The following ARHGAP8 variants were observed in gnomAD, a reference collection of about 807,000 sequenced individuals.
ARHGAP8 encodes rho GTPase-activating protein 8.
A neutral mutation model predicts 46.1 loss-of-function variants in ARHGAP8; 62 were observed. The ratio of observed to expected loss-of-function variants is 1.34; its 90% CI spans 1.10 to 1.66. ARHGAP8 has a LOEUF of 1.66. ARHGAP8 is among the 40% of genes most tolerant of loss of function. The probability of loss-of-function intolerance (pLI) is 0.00; values close to 1 mark genes in which losing one functional copy is unlikely to be tolerated. For missense variants in ARHGAP8, 923 were observed against 568.4 expected (o/e 1.62, Z -6.34); for synonymous variants, 375 against 243.1 (o/e 1.54, Z -5.05).
At chr22:44,757,097 G>T (rs1924743707) in intron 1 of ARHGAP8, among the ~76,000 whole-genome samples, 1 of 151,796 alleles carries the variant, frequency 6.6e-6, no homozygotes, top group South Asian at 2.1e-4. Context: ...TTAAATTTTT[G>T]TAGAGACGAG....
chr22:44,767,014 T>C (rs1333247716), intron 1 of ARHGAP8, among the ~76,000 whole-genome samples: 3 of 152,184 alleles, frequency 2.0e-5, no homozygotes, highest in Non-Finnish European at 2.9e-5. Flanking sequence ...TGGGCTTACC[T>C]GTGTCAAGGT....
At chr22:44,774,861 C>T (rs913620264) in intron 1 of ARHGAP8, among the ~76,000 whole-genome samples, 10 of 151,624 alleles carry the variant, frequency 6.6e-5, no homozygotes, top group Non-Finnish European at 1.3e-4. Context: ...GATGGAGTCT[C>T]ACTCTGTCAC....
At chr22:44,854,182 G>A (rs2070165523) in intron 10 of ARHGAP8, among the ~76,000 whole-genome samples, 1 of 150,836 alleles carries the variant, frequency 6.6e-6, no homozygotes, top group African/African-American at 2.4e-5. Flanking sequence ...TCACTGTAAC[G>A]TCATACATAA....
chr22:44,753,833 G>A (rs1011492025), intron 1 of ARHGAP8, among the ~76,000 whole-genome samples: 5 of 151,306 alleles, frequency 3.3e-5, no homozygotes, highest in Non-Finnish European at 4.4e-5. Flanking sequence ...GCTCTGTGCC[G>A]TCCCTCGCTT....
intron 7 of ARHGAP8, among the ~76,000 whole-genome samples, chr22:44,826,755 A>G (rs1930550532): frequency 2.6e-5 from 4 of 152,066 alleles, no homozygotes; most frequent in Admixed American, 2.6e-4. Context: ...ACATTTTGAA[A>G]GGTTTTGAGA....
At chr22:44,851,774 G>C (rs887881774) in intron 10 of ARHGAP8, among the ~76,000 whole-genome samples, 2 of 152,080 alleles carry the variant, frequency 1.3e-5, no homozygotes, top group African/African-American at 4.8e-5. Context: ...GGGAGTTGGA[G>C]GCTACAGTGA....
chr22:44,816,857 T>C (rs1387732099), intron 5 of ARHGAP8, among the ~76,000 whole-genome samples: 2 of 149,298 alleles, frequency 1.3e-5, no homozygotes, highest in Non-Finnish European at 3.0e-5. Flanking sequence ...GGAGCCTTTC[T>C]TTTCTTTCTT....
intron 1 of ARHGAP8, among the ~76,000 whole-genome samples, chr22:44,773,941 C>A (rs1353222864): frequency 6.6e-6 from 1 of 152,222 alleles, no homozygotes. Flanking sequence ...TGAACATTTA[C>A]TGCATACCAG....
intron 5 of ARHGAP8, among the ~76,000 whole-genome samples, 192 bp from the exon 6 acceptor site, chr22:44,822,179 G>A (rs1045154642): frequency 2.0e-5 from 3 of 152,164 alleles, no homozygotes; most frequent in African/African-American, 4.8e-5. Flanking sequence ...TGGAGATCTC[G>A]TGAAAGCAAA....
In ARHGAP8 at chr22:44,802,120, C is replaced by T. The variant is rs199964194; in HGVS notation, c.123C>T (p.Cys41=). 35 of 1,614,170 alleles carry T rather than the reference C, an allele frequency of 2.2e-5. No individual in the cohort carries two copies. In the Middle Eastern group the frequency reaches 5.0e-4, roughly 23 times the overall value. The change falls in exon 3 of 12, where the codon TGC becomes TGT. Residue 41 remains cysteine (C), a synonymous_variant. Coordinates refer to ENST00000356099, the MANE Select transcript of ARHGAP8 (RefSeq NM_181335.3). ...GACGTGTTGTCACGTTCAGCTGCTG[C>T]CGGATGCCACCCTCCCACGAGCTGG... The part of the protein sequence containing the change: ...FGRRVVTFSC[C]RMPPSHELDH...
chr22:44,755,404 G>A (rs1038190212), intron 1 of ARHGAP8, among the ~76,000 whole-genome samples: 10 of 152,208 alleles, frequency 6.6e-5, no homozygotes, highest in African/African-American at 1.9e-4. Flanking sequence ...GAAAATAGAC[G>A]TTTTCCATTT....
intron 4 of ARHGAP8, chr22:44,808,849 G>A (rs1279441847): frequency 2.7e-5 from 10 of 365,140 alleles, no homozygotes; most frequent in African/African-American, 1.1e-4. Context: ...AGACAGTCTC[G>A]CCCTGTTGCC....
intron 7 of ARHGAP8, among the ~76,000 whole-genome samples, chr22:44,834,406 G>T (rs1457874954): frequency 6.6e-6 from 1 of 151,858 alleles, no homozygotes; most frequent in Admixed American, 6.6e-5. Context: ...CTAGGAGTCT[G>T]TTGTTAAATT....
chr22:44,759,628 C>T (rs918019126), intron 1 of ARHGAP8, among the ~76,000 whole-genome samples: 3 of 150,320 alleles, frequency 2.0e-5, no homozygotes, highest in Non-Finnish European at 3.0e-5. Flanking sequence ...TACCCAGCTG[C>T]GCAGAGACTC....
chr22:44,779,564 ATT>A (rs132489), intron 1 of ARHGAP8, among the ~76,000 whole-genome samples: 2 of 126,264 alleles, frequency 1.6e-5, no homozygotes, highest in African/African-American at 6.1e-5. Context: ...CAGTTTGAGG[ATT>A]TTTTTTTTTT....
At chr22:44,847,208 C>T (rs1391823322) in intron 8 of ARHGAP8, among the ~76,000 whole-genome samples, 1 of 152,220 alleles carries the variant, frequency 6.6e-6, no homozygotes, top group African/African-American at 2.4e-5. Flanking sequence ...GCTCTGAAGC[C>T]AGCAGGGGCC....
chr22:44,827,503 T>A (rs1930623317), intron 7 of ARHGAP8, among the ~76,000 whole-genome samples: 1 of 151,852 alleles, frequency 6.6e-6, no homozygotes, highest in Admixed American at 6.6e-5. Context: ...CCGCCATGCC[T>A]GGCTAATGTT....
intron 10 of ARHGAP8, among the ~76,000 whole-genome samples, chr22:44,851,277 C>G (rs939814207): frequency 6.6e-6 from 1 of 152,178 alleles, no homozygotes; most frequent in African/African-American, 2.4e-5. Context: ...TGCTACCCGT[C>G]TTAGGTTCAT....
chr22:44,772,020 A>G (rs1926048155), intron 1 of ARHGAP8, among the ~76,000 whole-genome samples: 1 of 151,970 alleles, frequency 6.6e-6, no homozygotes, highest in Non-Finnish European at 1.5e-5. Context: ...ACTGTTCTGT[A>G]TGATGTTAGC....
Sources: allele counts gnomAD v4.1 joint callset (sites outside exome capture counted in the v4.1 genomes callset), GRCh38; gene constraint gnomAD v4.1.1; transcripts MANE v1.5; gene names NCBI Gene and HGNC (gene_info 2026-07-23, HGNC 2026-07-21).